Variants in CDH23 observed in about 807,000 individuals in gnomAD.
CDH23 encodes the protein cadherin-23.
Under a neutral mutation model 317.1 loss-of-function variants are expected in CDH23, and 189 were observed. The ratio of observed to expected loss-of-function variants is 0.60; its 90% CI spans 0.53 to 0.67. The LOEUF is 0.67. Ranked by LOEUF, CDH23 falls within the 30% of genes least tolerant of loss-of-function variation. The pLI, the probability that CDH23 is intolerant of heterozygous loss-of-function variation, is 0.00. For missense variants in CDH23, 4,401 were observed against 4,592.4 expected (o/e 0.96, Z 1.20); for synonymous variants, 1,839 against 1,876.8 (o/e 0.98, Z 0.52).
intron 16 of CDH23, among the ~76,000 whole-genome samples, chr10:71,678,019 G>A (rs532957501): frequency 1.3e-5 from 2 of 152,340 alleles, no homozygotes; most frequent in Admixed American, 1.3e-4. Flanking sequence ...AGATTTCAGA[G>A]TCAAATTCTT....
chr10:71,557,995 C>CTTAT (rs34583697), intron 6 of CDH23, among the ~76,000 whole-genome samples: 114,450 of 148,950 alleles, frequency 0.77, 45,026 homozygotes, highest in African/African-American at 0.94. Context: ...TTTTTTTTAA[C>CTTAT]TTATTTATTT....
At chr10:71,542,847 C>T (rs1347197685) in intron 6 of CDH23, among the ~76,000 whole-genome samples, 2 of 152,244 alleles carry the variant, frequency 1.3e-5, no homozygotes, top group African/African-American at 2.4e-5. Flanking sequence ...ACAGGCTGAG[C>T]GGGTTCTTCG....
intron 38 of CDH23, among the ~76,000 whole-genome samples, chr10:71,765,099 C>G (rs886328271): frequency 6.6e-6 from 1 of 152,196 alleles, no homozygotes; most frequent in Non-Finnish European, 1.5e-5. Flanking sequence ...CCCACGTACT[C>G]CCAGGAAGAA....
At chr10:71,541,154 C>G (rs185397702) in intron 6 of CDH23, among the ~76,000 whole-genome samples, 2 of 152,264 alleles carry the variant, frequency 1.3e-5, no homozygotes, top group East Asian at 3.9e-4. Flanking sequence ...ATCTTTCAAA[C>G]CCCCTTCTCT....
At position 71,650,953 on chromosome 10, in the gene CDH23, G is replaced by C. The variant is rs553302213; in HGVS notation, c.1449+4336G>C. ...CTAATCATTTATTCATTCATTCATT[G>C]ATTCAACAAACGTTTGGTGAATACC... On this transcript the variant is annotated intron_variant, in intron 14 of 69. Coordinates refer to ENST00000224721, the MANE Select transcript of CDH23 (RefSeq NM_022124.6). Among the ~76,000 whole-genome samples, 25 of 152,336 alleles carry C rather than the reference G, an allele frequency of 1.6e-4. 1 individual carries two copies. The highest frequency in any genetic ancestry group is 4.6e-4 in the African/African-American group (19 of 41,568).
chr10:71,548,226 C>G (rs1463395076), intron 6 of CDH23, among the ~76,000 whole-genome samples: 1 of 152,172 alleles, frequency 6.6e-6, no homozygotes, highest in Non-Finnish European at 1.5e-5. Context: ...ACGTGTTTGC[C>G]ACATCACACG....
Position 71,617,304 on chromosome 10 carries a change from A to C in CDH23, c.1045A>C (p.Asn349His). The C allele has an allele frequency of 6.2e-7, 1 of 1,613,990 alleles. No homozygotes were observed. The highest frequency in any genetic ancestry group is 1.1e-5 in the South Asian group (1 of 91,080). ...IDINDNAPEF[N>H]SSEYSVAITE... ...CATCAATGACAATGCCCCGGAGTTC[A>C]ACAGCTCCGAGTACAGCGTGGCCAT... The change falls in exon 11 of 70, where the codon AAC (asparagine) becomes CAC (histidine). Residue 349 changes from asparagine (N) to histidine (H), a missense_variant. Around this residue, in one of 3 missense-constraint regions of CDH23, gnomAD observed 3,068 missense variants for 3,203.3 expected, o/e 0.96. Transcript: ENST00000224721.
chr10:71,724,591 C>T (rs549758616), intron 29 of CDH23, among the ~76,000 whole-genome samples: 3 of 152,302 alleles, frequency 2.0e-5, no homozygotes, highest in Admixed American at 2.0e-4. Context: ...CGTGAGCCAC[C>T]GTGCCCCTGG....
intron 3 of CDH23, among the ~76,000 whole-genome samples, chr10:71,453,516 C>T (rs1401810606): frequency 6.6e-6 from 1 of 152,196 alleles, no homozygotes; most frequent in African/African-American, 2.4e-5. Context: ...TGCTGGCAGG[C>T]ACGGAGGCAT....
At chr10:71,799,418 G>A in intron 51 of CDH23, 74 bp from the exon 52 acceptor site, 7 of 1,606,730 alleles carry the variant, frequency 4.4e-6, no homozygotes, top group Non-Finnish European at 6.0e-6. Context: ...GCCTGCATCA[G>A]TGAGTTCTAG....
Position 71,807,726 on chromosome 10 carries a change from A to G in CDH23, c.8519A>G (p.Asn2840Ser). Residue 2840 changes from asparagine (N) to serine (S), a missense_variant, in exon 59 of 70, where the codon AAC (asparagine) becomes AGC (serine). Asn to Ser is a conservative substitution (Grantham distance 46, BLOSUM62 1). Coordinates refer to ENST00000224721, the MANE Select transcript of CDH23 (RefSeq NM_022124.6). ...QEVRVVLEDI[N>S]DQPPRFTKAE... is the part of the protein sequence containing the mutation. ...GTGCGCGTTGTGCTAGAGGACATCA[A>G]CGACCAGCCACCACGCTTCACCAAG... is the stretch of plus-strand genomic sequence containing the variant. 1 of 1,609,682 alleles carries G rather than the reference A, an allele frequency of 6.2e-7. No individual in the cohort carries two copies. Among genetic ancestry groups the G allele is most frequent in the East Asian group, 2.2e-5 (1 of 44,642 alleles).
intron 6 of CDH23, among the ~76,000 whole-genome samples, chr10:71,536,837 G>T (rs1169583013): frequency 1.3e-5 from 2 of 152,096 alleles, no homozygotes; most frequent in African/African-American, 2.4e-5. Flanking sequence ...GGTGCAGTGG[G>T]GTCTCTGGGG....
In CDH23 at chr10:71,815,287, G is replaced by A; in HGVS notation, c.*9G>A. The stretch of plus-strand genomic sequence containing the variant: ...AGATCACAGAGCTGTGACTAGACAG[G>A]GAAGCCTTGTGGGTGTGAGCAGCAC... On this transcript the variant is annotated 3_prime_UTR_variant, in exon 70 of 70. Coordinates refer to ENST00000224721, the MANE Select transcript of CDH23 (RefSeq NM_022124.6). 6.4e-7 allele frequency: 1 copy of A among 1,550,434 alleles called. No homozygotes were observed. Among genetic ancestry groups the A allele is most frequent in the Non-Finnish European group, 8.7e-7 (1 of 1,143,450 alleles).
intron 1 of CDH23, among the ~76,000 whole-genome samples, chr10:71,432,048 A>G (rs1403538622): frequency 6.6e-6 from 1 of 152,144 alleles, no homozygotes; most frequent in African/African-American, 2.4e-5. Flanking sequence ...TGAAACCCCT[A>G]CAGGTCATGG....
intron 14 of CDH23, among the ~76,000 whole-genome samples, chr10:71,653,280 G>T (rs1171765524): frequency 2.0e-5 from 3 of 152,174 alleles, no homozygotes; most frequent in Non-Finnish European, 4.4e-5. Context: ...TGATGTCATT[G>T]CCCTGGGCTG....
At chr10:71,595,329 A>G (rs896000861) in intron 9 of CDH23, among the ~76,000 whole-genome samples, 8 of 151,754 alleles carry the variant, frequency 5.3e-5, no homozygotes, top group African/African-American at 1.5e-4. Context: ...ATCTTTCTGT[A>G]TCCCTCCCCT....
At chr10:71,480,172 G>A (rs1851995014) in intron 3 of CDH23, among the ~76,000 whole-genome samples, 1 of 152,206 alleles carries the variant, frequency 6.6e-6, no homozygotes, top group Non-Finnish European at 1.5e-5. Context: ...CTAGTGCATG[G>A]CCCCCCTGAA....
At chr10:71,759,727 G>A (rs563351580) in intron 38 of CDH23, among the ~76,000 whole-genome samples, 5 of 151,324 alleles carry the variant, frequency 3.3e-5, no homozygotes, top group East Asian at 3.9e-4. Context: ...CAGAAGAATC[G>A]CTTGAATCCG....
Position 71,815,415 on chromosome 10 carries a change from G to A in CDH23, c.*137G>A, listed in dbSNP as rs1842102369. 8.4e-6 allele frequency: 6 copies of A among 716,306 alleles called. No individual in the cohort carries two copies. In the East Asian group the frequency reaches 1.4e-4, roughly 17 times the overall value. The allele number at this position is 716,306 out of a possible 1,614,324, so 44.4% of individuals were successfully genotyped here. A position where few individuals can be genotyped will look rare whatever the true frequency, so the allele number is the denominator to read the frequency against. On this transcript the variant is annotated 3_prime_UTR_variant, in exon 70 of 70. Transcript: ENST00000224721. ...GGACAACCTTGGCTTGGCCCTGGCA[G>A]CCCGCATCAGCTGCTCAGATCCCAC... is the stretch of plus-strand genomic sequence containing the variant.
Sources: gnomAD v4.1 joint callset for allele counts (sites outside exome capture counted in the v4.1 genomes callset) on GRCh38, gnomAD v4.1.1 for gene constraint, gnomAD v4.1.1 regional missense constraint, MANE v1.5 for transcripts, NCBI Gene and HGNC (gene_info 2026-07-23, HGNC 2026-07-21) for gene names.